Variants in ANKIB1 observed in about 807,000 individuals in gnomAD.
ANKIB1 encodes ankyrin repeat and IBR domain containing 1.
Under a neutral mutation model 122.1 loss-of-function variants are expected in ANKIB1, and 43 were observed. The observed-to-expected ratio is 0.35, with a 90% CI of 0.28 to 0.45. The LOEUF (loss-of-function observed/expected upper bound fraction) is 0.45, where lower values mean the gene tolerates loss of function less well. Among genes scored for constraint, ANKIB1 ranks in the 20% least tolerant of loss-of-function variants. The probability of loss-of-function intolerance (pLI) is 1.00; values close to 1 mark genes in which losing one functional copy is unlikely to be tolerated. For synonymous variants in ANKIB1, 390 were observed against 442.0 expected (o/e 0.88, Z 1.48); for missense variants, 992 against 1,329.5 (o/e 0.75, Z 3.95).
chr7:92,271,554 C>G (rs976522464), intron 1 of ANKIB1, among the ~76,000 whole-genome samples: 1 of 152,004 alleles, frequency 6.6e-6, no homozygotes, highest in African/African-American at 2.4e-5. Flanking sequence ...AGAATTGACA[C>G]CTCTAACTAT....
At chr7:92,264,812 A>G (rs934558404) in intron 1 of ANKIB1, among the ~76,000 whole-genome samples, 1 of 152,204 alleles carries the variant, frequency 6.6e-6, no homozygotes, top group Non-Finnish European at 1.5e-5. Context: ...TGCCCTTAGC[A>G]AACTTATAAC....
chr7:92,322,290 A>G (rs1167123697), intron 4 of ANKIB1, among the ~76,000 whole-genome samples: 1 of 152,178 alleles, frequency 6.6e-6, no homozygotes, highest in Non-Finnish European at 1.5e-5. Context: ...AGGCATTATC[A>G]GTAGATTTAA....
intron 17 of ANKIB1, among the ~76,000 whole-genome samples, chr7:92,393,900 T>TA (rs1329665185): frequency 2.6e-5 from 4 of 152,084 alleles, no homozygotes; most frequent in African/African-American, 9.7e-5. Flanking sequence ...TTTGCCTTAA[T>TA]AGTGAGGGAA....
Position 92,295,165 on chromosome 7 carries a change from G to C in ANKIB1, c.187G>C (p.Gly63Arg). The change falls in exon 2 of 20, where the codon GGG becomes CGG. Residue 63 changes from glycine to arginine, a missense_variant and splice_region_variant. Gly to Arg is a moderately radical substitution (Grantham distance 125). Around this residue, in one of 4 missense-constraint regions of ANKIB1, gnomAD observed 54 missense variants for 112.3 expected, o/e 0.48. Transcript: ENST00000265742. ...TAGACATGGAATGAATAAAATATTA[G>C]GGTAAGTATTACTATAAACTAATTG... is the stretch of plus-strand genomic sequence containing the variant. The part of the protein sequence containing the change: ...AARHGMNKIL[G>R]TFLGRDGNPN... 6.5e-7 allele frequency: 1 copy of C among 1,538,142 alleles called. No homozygotes were observed.
intron 10 of ANKIB1, among the ~76,000 whole-genome samples, chr7:92,370,730 T>C (rs1395672872): frequency 2.0e-5 from 3 of 152,082 alleles, no homozygotes; most frequent in Non-Finnish European, 2.9e-5. Flanking sequence ...CCCATAAATA[T>C]GTAAAATATT....
intron 1 of ANKIB1, among the ~76,000 whole-genome samples, chr7:92,257,316 G>A (rs1254702171): frequency 6.6e-6 from 1 of 152,084 alleles, no homozygotes; most frequent in Admixed American, 6.5e-5. Context: ...AGGACAGTGG[G>A]GGACAAGATG....
Position 92,398,602 on chromosome 7 carries a change from G to A in ANKIB1, c.2923G>A (p.Ala975Thr). 1 of 1,613,952 alleles carries A rather than the reference G, an allele frequency of 6.2e-7. No homozygotes were observed. The highest frequency in any genetic ancestry group is 8.5e-7 in the Non-Finnish European group (1 of 1,179,878). The part of the protein sequence containing the change: ...INDNLLGNIM[A>T]WFHDMNPQSI... The stretch of plus-strand genomic sequence containing the variant: ...TGACAATCTTCTCGGCAACATCATG[G>A]CTTGGTTTCATGACATGAACCCTCA... Residue 975 changes from alanine (A) to threonine (T), a missense_variant, in exon 20 of 20, where the codon GCT becomes ACT. Around this residue, in one of 4 missense-constraint regions of ANKIB1, gnomAD observed 384 missense variants for 412.0 expected, o/e 0.93. Transcript: ENST00000265742.
intron 11 of ANKIB1, among the ~76,000 whole-genome samples, chr7:92,385,708 A>G (rs1030233554): frequency 6.6e-6 from 1 of 152,138 alleles, no homozygotes. Flanking sequence ...AGGGCAGGGA[A>G]CATCACATAC....
chr7:92,323,125 T>C (rs1308840535), intron 4 of ANKIB1, among the ~76,000 whole-genome samples: 4 of 152,226 alleles, frequency 2.6e-5, no homozygotes, highest in Admixed American at 2.0e-4. Flanking sequence ...TTTAAAAGTA[T>C]AGTTCCTATA....
At chr7:92,249,063 T>C (rs1250094698) in intron 1 of ANKIB1, among the ~76,000 whole-genome samples, 1 of 152,060 alleles carries the variant, frequency 6.6e-6, no homozygotes, top group Non-Finnish European at 1.5e-5. Context: ...AATTTTTGTA[T>C]TTTTAGTAGA....
chr7:92,276,142 A>T (rs1344480766), intron 1 of ANKIB1, among the ~76,000 whole-genome samples: 6 of 152,232 alleles, frequency 3.9e-5, no homozygotes, highest in Non-Finnish European at 8.8e-5. Flanking sequence ...TACATATATT[A>T]GGTAATACAT....
intron 10 of ANKIB1, among the ~76,000 whole-genome samples, chr7:92,362,973 A>G (rs1215414151): frequency 6.6e-6 from 1 of 152,116 alleles, no homozygotes; most frequent in African/African-American, 2.4e-5. Flanking sequence ...GCTTTGCAAT[A>G]ATTTCCCATC....
intron 1 of ANKIB1, among the ~76,000 whole-genome samples, chr7:92,249,624 G>A (rs994036773): frequency 6.6e-6 from 1 of 152,084 alleles, no homozygotes; most frequent in Non-Finnish European, 1.5e-5. Context: ...GGAGGTGGAG[G>A]CAGGAGAATC....
At chr7:92,246,588 A>T in intron 1 of ANKIB1, 69 bp downstream of exon 1, 1 of 492,934 alleles carries the variant, frequency 2.0e-6, no homozygotes, top group South Asian at 1.5e-5. Context: ...CCGAGTTCAG[A>T]GCTACCTACT....
intron 4 of ANKIB1, among the ~76,000 whole-genome samples, chr7:92,323,493 G>A (rs1343585334): frequency 3.3e-5 from 5 of 151,866 alleles, no homozygotes; most frequent in Non-Finnish European, 5.9e-5. Flanking sequence ...TTTGTCTTCT[G>A]AATTTGTGAC....
intron 8 of ANKIB1, among the ~76,000 whole-genome samples, chr7:92,351,341 CTATT>C (rs1562789926): frequency 1.3e-5 from 2 of 152,090 alleles, no homozygotes; most frequent in East Asian, 1.9e-4. Flanking sequence ...TAAAATAAAA[CTATT>C]TATCAGAACT....
chr7:92,279,584 A>G (rs755489847), intron 1 of ANKIB1, among the ~76,000 whole-genome samples: 3 of 152,168 alleles, frequency 2.0e-5, no homozygotes, highest in Non-Finnish European at 4.4e-5. Context: ...CCAGAGTCAC[A>G]GTTCTATTCA....
rs775839649 is a variant in ANKIB1, at chr7:92,294,992, C to G, written c.14C>G (p.Thr5Ser). The change falls in exon 2 of 20, where the codon ACC becomes AGC. Residue 5 changes from threonine to serine, a missense_variant. Physicochemically the swap from Thr to Ser is moderately conservative, Grantham distance 58. Coordinates refer to ENST00000265742, the MANE Select transcript of ANKIB1 (RefSeq NM_019004.2). MGNTTTKFRKALING... is the reference protein window; with the variant it reads MGNTSTKFRKALING... ...ACAAAACAAAACATGGGAAATACAA[C>G]CACCAAATTCCGTAAAGCACTCATC... is the stretch of plus-strand genomic sequence containing the variant. The G allele has an allele frequency of 3.1e-6, 5 of 1,597,810 alleles. No homozygotes were observed. Among genetic ancestry groups the G allele is most frequent in the Admixed American group, 3.4e-5 (2 of 58,104 alleles).
intron 11 of ANKIB1, among the ~76,000 whole-genome samples, chr7:92,380,109 C>T (rs899888008): frequency 6.6e-6 from 1 of 152,234 alleles, no homozygotes; most frequent in Admixed American, 6.5e-5. Flanking sequence ...ACACCTGGCT[C>T]AGCAGGTCCC....
Sources: gnomAD v4.1 joint callset for allele counts (sites outside exome capture counted in the v4.1 genomes callset) on GRCh38, gnomAD v4.1.1 for gene constraint, gnomAD v4.1.1 regional missense constraint, MANE v1.5 for transcripts, NCBI Gene and HGNC (gene_info 2026-07-23, HGNC 2026-07-21) for gene names.